Variants in FNDC7 observed in about 807,000 individuals in gnomAD.
FNDC7 encodes the protein fibronectin type III domain containing 7, also known as fibronectin type III domain-containing protein 7.
Under a neutral mutation model 74.2 loss-of-function variants are expected in FNDC7, and 66 were observed. The ratio of observed to expected loss-of-function variants is 0.89; its 90% confidence interval spans 0.73 to 1.09. The LOEUF (loss-of-function observed/expected upper bound fraction) is 1.09. FNDC7 is among the 50% of genes least tolerant of loss of function. The probability of loss-of-function intolerance (pLI) is 0.00; values close to 1 mark genes in which losing one functional copy is unlikely to be tolerated. For missense variants in FNDC7, 829 were observed against 893.4 expected (o/e 0.93, Z 0.92); for synonymous variants, 307 against 330.2 (o/e 0.93, Z 0.76).
intron 6 of FNDC7, among the ~76,000 whole-genome samples, chr1:108,727,414 A>G (rs1661243281): frequency 6.6e-6 from 1 of 152,144 alleles, no homozygotes; most frequent in South Asian, 2.1e-4. Flanking sequence ...TACTGTCTGG[A>G]AAGGCTGACA....
At chr1:108,721,490 C>A (rs1310875977) in intron 4 of FNDC7, among the ~76,000 whole-genome samples, 1 of 152,026 alleles carries the variant, frequency 6.6e-6, no homozygotes, top group Non-Finnish European at 1.5e-5. Context: ...AAAAAAGAGG[C>A]CTTCCCTGTT....
intron 2 of FNDC7, among the ~76,000 whole-genome samples, chr1:108,717,490 C>T (rs1374201192): frequency 6.6e-6 from 1 of 152,182 alleles, no homozygotes. Flanking sequence ...AATTACTTCT[C>T]ATTCTTATTT....
chr1:108,726,544 AG>A (rs1393879973), intron 6 of FNDC7, among the ~76,000 whole-genome samples: 1 of 151,842 alleles, frequency 6.6e-6, no homozygotes, highest in Admixed American at 6.6e-5. Context: ...GAATGTAAAA[AG>A]GTCTTGTGTG....
chr1:108,730,791 G>A lies in FNDC7; in HGVS notation c.1742G>A (p.Gly581Glu). Residue 581 changes from glycine to glutamate, a missense_variant, in exon 9 of 13, where the codon GGA becomes GAA. Physicochemically the swap from Gly to Glu is moderately conservative, Grantham distance 98. Transcript: ENST00000370017. ...THVAVLESHT[G>E]QSKCHTHQNH... is the part of the protein sequence containing the mutation. The stretch of plus-strand genomic sequence containing the variant: ...GTTGCAGTTCTGGAGTCACACACTG[G>A]ACAGTCTAAGTGTCACACTCATCAA... 1 of 1,614,130 alleles carries A rather than the reference G, an allele frequency of 6.2e-7. No homozygotes were observed. Among genetic ancestry groups the A allele is most frequent in the Non-Finnish European group, 8.5e-7 (1 of 1,180,020 alleles).
rs1346611640 is a variant in FNDC7 at position 108,722,345 on chromosome 1, C to T, written c.609C>T (p.Ala203=). Reference sequence around the variant, plus strand: ...TTCTCTAAAATGTAGGTCCTCGGGCCCCTGCCAACATTCAAGTCTCTTTCG... The same window carrying T: ...TTCTCTAAAATGTAGGTCCTCGGGCTCCTGCCAACATTCAAGTCTCTTTCG... The part of the protein sequence containing the change: ...STCNQRTSPR[A]PANIQVSFDS... The change falls in exon 5 of 13, where the codon GCC becomes GCT. Residue 203 remains alanine (A), a synonymous_variant. Coordinates refer to ENST00000370017, the MANE Select transcript of FNDC7 (RefSeq NM_001144937.3). 1 of 1,606,318 alleles carries T rather than the reference C, an allele frequency of 6.2e-7. No homozygotes were observed. The highest frequency in any genetic ancestry group is 8.5e-7 in the Non-Finnish European group (1 of 1,175,754).
chr1:108,740,840 G>T (rs112641375), intron 11 of FNDC7, among the ~76,000 whole-genome samples: 2 of 152,236 alleles, frequency 1.3e-5, no homozygotes, highest in Admixed American at 1.3e-4. Context: ...AATGGTAGTT[G>T]TTAATTCATA....
At chr1:108,730,560 G>A in intron 8 of FNDC7, 114 bp from the exon 9 acceptor site, 4 of 1,185,886 alleles carry the variant, frequency 3.4e-6, no homozygotes. Flanking sequence ...ATGGAAAGTT[G>A]GGGAATGTAG....
At chr1:108,722,694 A>T in intron 5 of FNDC7, 102 bp downstream of exon 5, 2 of 1,293,874 alleles carry the variant, frequency 1.5e-6, no homozygotes, top group African/African-American at 3.0e-5. Context: ...AAAAATGAAA[A>T]TGAAAGCCTG....
Position 108,713,454 on chromosome 1 carries a change from G to A in FNDC7, c.64-57G>A, listed in dbSNP as rs367743172. ...ATTACCGCTTTTATTCATGTTTTAC[G>A]TTTGTTCAAGTTGTGTTTTTCTGTG... On this transcript the variant is annotated intron_variant, in intron 1 of 12. Transcript: ENST00000370017. The A allele has an allele frequency of 1.6e-4, 230 of 1,454,040 alleles. 1 individual carries two copies. The highest frequency in any genetic ancestry group is 6.1e-4 in the South Asian group (49 of 80,782). The allele number at this position is 1,454,040 out of a possible 1,614,324, so 90.1% of individuals were successfully genotyped here.
Position 108,727,968 on chromosome 1 carries a change from G to A in FNDC7, c.1272G>A (p.Ser424=), listed in dbSNP as rs777246094. The change falls in exon 7 of 13, where the codon TCG becomes TCA. Residue 424 remains serine (S), a synonymous_variant. Coordinates refer to ENST00000370017, the MANE Select transcript of FNDC7 (RefSeq NM_001144937.3). ...ACACTACTCCTGCGTGCACCCTTTC[G>A]GCTCTAGAGTGTGACACCAAGTACA... The part of the protein sequence containing the change: ...CNDTTPACTL[S]ALECDTKYNI... 92 of 1,613,934 alleles carry A rather than the reference G, an allele frequency of 5.7e-5. No homozygotes were observed. Among genetic ancestry groups the A allele is most frequent in the Admixed American group, 4.0e-4 (24 of 59,990 alleles).
At chr1:108,718,128 T>A in intron 3 of FNDC7, 97 bp downstream of exon 3, 1 of 1,448,118 alleles carries the variant, frequency 6.9e-7, no homozygotes, top group South Asian at 1.3e-5. Context: ...TGGTGTCACA[T>A]GAGTGCCTAC....
Position 108,732,868 on chromosome 1 carries a change from G to A in FNDC7, c.1880-404G>A, listed in dbSNP as rs530177468. ...AGCTCACAGCAGCCTTGAACTCCTG[G>A]CCTTAAGCCATCCTCCTGCCTCATC... On this transcript the variant is annotated intron_variant, in intron 9 of 12. Transcript: ENST00000370017. 2.4e-4 allele frequency among the ~76,000 whole-genome samples: 37 copies of A among 151,854 alleles called. No individual in the cohort carries two copies. The South Asian group carries it at 4.8e-3, about 20-fold the overall frequency.
In FNDC7 at chr1:108,742,174, C is replaced by G. The variant is rs771573764; in HGVS notation, c.*287C>G. 95 of 248,750 alleles carry G rather than the reference C, an allele frequency of 3.8e-4. No individual in the cohort carries two copies. The highest frequency in any genetic ancestry group is 5.7e-4 in the Non-Finnish European group (74 of 130,312). The allele number at this position is 248,750 out of a possible 1,614,324, so 15.4% of individuals were successfully genotyped here. On this transcript the variant is annotated 3_prime_UTR_variant, in exon 13 of 13. Transcript: ENST00000370017. ...GCCTGAGTTGGCACACTGTGAGAAC[C>G]CTGGAAACAAGAAAGTTCTGCTTAG...
Position 108,719,056 on chromosome 1 carries a change from A to G in FNDC7, c.598+7A>G. On this transcript the variant is annotated splice_region_variant and intron_variant, in intron 4 of 12. Coordinates refer to ENST00000370017, the MANE Select transcript of FNDC7 (RefSeq NM_001144937.3). ...ACCTGCAATCAGAGAACAAGTAAGA[A>G]CTTCTCAGCTCAGCCTCGAACAATT... 1 of 1,551,910 alleles carries G rather than the reference A, an allele frequency of 6.4e-7. No individual in the cohort carries two copies. The highest frequency in any genetic ancestry group is 8.7e-7 in the Non-Finnish European group (1 of 1,146,926).
intron 10 of FNDC7, among the ~76,000 whole-genome samples, chr1:108,734,891 T>C (rs1661476371): frequency 6.6e-6 from 1 of 152,218 alleles, no homozygotes; most frequent in Admixed American, 6.5e-5. Context: ...TGCTATGCTA[T>C]AGGCTCAACA....
chr1:108,731,137 C>A (rs1661335498), intron 9 of FNDC7, among the ~76,000 whole-genome samples: 1 of 152,184 alleles, frequency 6.6e-6, no homozygotes, highest in African/African-American at 2.4e-5. Flanking sequence ...AATTAACTCC[C>A]CTAGTAACAA....
rs145566232 is a variant in FNDC7, at chr1:108,736,900, A to G, written c.2141-595A>G. On this transcript the variant is annotated intron_variant, in intron 10 of 12. Transcript: ENST00000370017. ...GTTTATTGAATGCCATGTGCCAGGC[A>G]CTGTTCTAAGGGGTTTACATATATT... Among the ~76,000 whole-genome samples, 279 of 151,564 alleles carry G rather than the reference A, an allele frequency of 1.8e-3. 2 individuals carry two copies. Among genetic ancestry groups the G allele is most frequent in the African/African-American group, 5.3e-3 (221 of 41,348 alleles).
intron 2 of FNDC7, among the ~76,000 whole-genome samples, chr1:108,714,762 C>G (rs1557785546): frequency 6.6e-6 from 1 of 151,830 alleles, no homozygotes; most frequent in Non-Finnish European, 1.5e-5. Flanking sequence ...CCCGCCACTA[C>G]CCCCGGCTAA....
chr1:108,729,160 T>C (rs1661286403), intron 8 of FNDC7, among the ~76,000 whole-genome samples: 1 of 152,258 alleles, frequency 6.6e-6, no homozygotes, highest in Non-Finnish European at 1.5e-5. Flanking sequence ...TATTCCCCTA[T>C]GATATAATCT....
Sources: gnomAD v4.1 joint callset for allele counts (sites outside exome capture counted in the v4.1 genomes callset) on GRCh38, gnomAD v4.1.1 for gene constraint, MANE v1.5 for transcripts, NCBI Gene and HGNC (gene_info 2026-07-23, HGNC 2026-07-21) for gene names.